The following TRPC4AP variants were observed in gnomAD, a reference collection of about 807,000 sequenced individuals.
TRPC4AP encodes the protein transient receptor potential cation channel subfamily C member 4 associated protein.
Under a neutral mutation model 99.0 loss-of-function variants are expected in TRPC4AP, and 45 were observed. The observed-to-expected ratio is 0.45, with a 90% CI of 0.36 to 0.58. TRPC4AP has a LOEUF of 0.58. TRPC4AP is among the 20% of genes least tolerant of loss of function. TRPC4AP has a pLI of 0.00. For missense variants in TRPC4AP, 879 were observed against 985.3 expected (o/e 0.89, Z 1.44); for synonymous variants, 408 against 385.8 (o/e 1.06, Z -0.67).
At chr20:35,078,292 G>A in intron 1 of TRPC4AP, 118 bp from the exon 2 acceptor site, 2 of 1,035,208 alleles carry the variant, frequency 1.9e-6, no homozygotes, top group Non-Finnish European at 2.8e-6. Flanking sequence ...TTATCTCTAA[G>A]CACTACTATA....
intron 5 of TRPC4AP, 110 bp from the exon 6 acceptor site, chr20:35,050,104 T>A: frequency 8.2e-7 from 1 of 1,216,602 alleles, no homozygotes; most frequent in South Asian, 1.5e-5. Flanking sequence ...AAAACTGGCA[T>A]GAGTCAACAA....
chr20:35,009,016 G>A (rs2082574203), intron 12 of TRPC4AP, among the ~76,000 whole-genome samples: 1 of 152,228 alleles, frequency 6.6e-6, no homozygotes, highest in African/African-American at 2.4e-5. Context: ...AACTGCCAGA[G>A]GAGAGCTGTT....
intron 8 of TRPC4AP, among the ~76,000 whole-genome samples, chr20:35,030,614 C>T (rs775624775): frequency 3.3e-5 from 5 of 152,250 alleles, no homozygotes; most frequent in Admixed American, 6.5e-5. Flanking sequence ...TATATTTACC[C>T]TCTTATTACC....
intron 8 of TRPC4AP, among the ~76,000 whole-genome samples, chr20:35,030,993 GTTCT>G (rs1035264226): frequency 1.3e-5 from 2 of 152,146 alleles, no homozygotes; most frequent in African/African-American, 2.4e-5. Context: ...TTACTAATGA[GTTCT>G]TTCAGTTTTT....
intron 7 of TRPC4AP, among the ~76,000 whole-genome samples, chr20:35,042,806 TA>T (rs2083470703): frequency 6.6e-6 from 1 of 152,226 alleles, no homozygotes; most frequent in Non-Finnish European, 1.5e-5. Flanking sequence ...ATAGGTGGGC[TA>T]GATTGGTTAG....
At chr20:35,048,370 C>G (rs1013954090) in intron 6 of TRPC4AP, among the ~76,000 whole-genome samples, 4 of 151,968 alleles carry the variant, frequency 2.6e-5, no homozygotes, top group Non-Finnish European at 5.9e-5. Context: ...CACCACCATG[C>G]CTGGCTAATT....
At chr20:35,055,129 T>C (rs767725433) in intron 4 of TRPC4AP, 98 bp from the exon 5 acceptor site, 27 of 1,025,132 alleles carry the variant, frequency 2.6e-5, no homozygotes, top group Non-Finnish European at 3.9e-5. Context: ...TATAATCCCC[T>C]CCAAGATGAT....
intron 5 of TRPC4AP, among the ~76,000 whole-genome samples, chr20:35,052,304 G>C (rs1165568242): frequency 6.6e-6 from 1 of 151,960 alleles, no homozygotes; most frequent in Non-Finnish European, 1.5e-5. Context: ...ATGTTGCCCA[G>C]GCTGGTCTTG....
At chr20:35,042,162 G>A (rs1012878470) in intron 7 of TRPC4AP, among the ~76,000 whole-genome samples, 2 of 152,142 alleles carry the variant, frequency 1.3e-5, no homozygotes, top group East Asian at 3.8e-4. Context: ...AATCATAAAG[G>A]AGTGGGAAGA....
Position 35,002,457 on chromosome 20 carries a change from G to GTTAA in TRPC4AP, c.*685_*688dup. ...TCTCCATTTAATTGGTTTATTTGCT[G>GTTAA]TTAATAAATTGGCAACACAAGGAAG... On this transcript the variant is annotated 3_prime_UTR_variant, in exon 19 of 19. Coordinates refer to ENST00000252015, the MANE Select transcript of TRPC4AP (RefSeq NM_015638.3). 2 of 372,882 alleles carry GTTAA rather than the reference G, an allele frequency of 5.4e-6. No homozygotes were observed. The highest frequency in any genetic ancestry group is 4.5e-5 in the Admixed American group (1 of 22,464). 23.1% of individuals were successfully genotyped at this position (372,882 alleles called of 1,614,324 possible). A position where few individuals can be genotyped will look rare whatever the true frequency, so the allele number is the denominator to read the frequency against.
At position 35,090,616 on chromosome 20, in the gene TRPC4AP, C is replaced by T. The variant is rs1380090870; in HGVS notation, c.168+1998G>A. ...CTCAAACTCCTGACCTCAGATGATC[C>T]ACCCGCCTCGACCTCCCAAAGCACT... On this transcript the variant is annotated intron_variant, in intron 1 of 18. Coordinates refer to ENST00000252015, the MANE Select transcript of TRPC4AP (RefSeq NM_015638.3). 2.0e-5 allele frequency among the ~76,000 whole-genome samples: 3 copies of T among 152,116 alleles called. No individual in the cohort carries two copies. In the East Asian group the frequency reaches 5.8e-4, roughly 29 times the overall value.
chr20:35,089,172 C>T (rs542080116), intron 1 of TRPC4AP, among the ~76,000 whole-genome samples: 12 of 151,742 alleles, frequency 7.9e-5, no homozygotes, highest in African/African-American at 2.9e-4. Flanking sequence ...CTGGGCCTGA[C>T]CTATACACTT....
At chr20:35,073,796 G>T (rs1600647026) in intron 2 of TRPC4AP, among the ~76,000 whole-genome samples, 2 of 152,304 alleles carry the variant, frequency 1.3e-5, no homozygotes, top group South Asian at 4.1e-4. Context: ...AATGAGTTAG[G>T]GAGGATTCCC....
At chr20:35,031,544 T>A (rs1480064547) in intron 8 of TRPC4AP, among the ~76,000 whole-genome samples, 1 of 151,900 alleles carries the variant, frequency 6.6e-6, no homozygotes, top group Non-Finnish European at 1.5e-5. Flanking sequence ...CCTCAGCGTT[T>A]TTATTACCAT....
chr20:35,078,894 C>T (rs2084553005), intron 1 of TRPC4AP, among the ~76,000 whole-genome samples: 1 of 152,086 alleles, frequency 6.6e-6, no homozygotes, highest in African/African-American at 2.4e-5. Context: ...GATAAAACCC[C>T]ATCTCTACTA....
At chr20:35,050,500 A>C (rs2083670020) in intron 5 of TRPC4AP, among the ~76,000 whole-genome samples, 1 of 152,116 alleles carries the variant, frequency 6.6e-6, no homozygotes, top group Non-Finnish European at 1.5e-5. Flanking sequence ...AGATCACTTG[A>C]GGCCAGGAGT....
At position 35,092,666 on chromosome 20, in the gene TRPC4AP, A is replaced by G. The variant is rs1218262656; in HGVS notation, c.116T>C (p.Leu39Pro). The change falls in exon 1 of 19, where the codon CTG becomes CCG. Residue 39 changes from leucine to proline, a missense_variant. Physicochemically the swap from Leu to Pro is moderately conservative, Grantham distance 98. Coordinates refer to ENST00000252015, the MANE Select transcript of TRPC4AP (RefSeq NM_015638.3). Reference protein sequence around the residue: ...GGRPRPGNILLQLRQGQLTGR... With the variant: ...GGRPRPGNILPQLRQGQLTGR... ...GGTCAGCTGGCCCTGCCGCAGCTGC[A>G]GCAGAATGTTACCAGGCCGCGGCCG... The G allele has an allele frequency of 1.3e-6, 2 of 1,521,202 alleles. No homozygotes were observed. The highest frequency in any genetic ancestry group is 2.9e-5 in the African/African-American group (2 of 69,906). 94.2% of individuals were successfully genotyped at this position (1,521,202 alleles called of 1,614,324 possible). A position where few individuals can be genotyped will look rare whatever the true frequency, so the allele number is the denominator to read the frequency against.
intron 8 of TRPC4AP, among the ~76,000 whole-genome samples, chr20:35,031,677 A>C (rs6060165): frequency 0.41 from 61,646 of 151,310 alleles, 13,406 homozygotes; most frequent in East Asian, 0.59. Context: ...TTTTTCTGTT[A>C]CTTTATCTCC....
chr20:35,055,130 C>A, intron 4 of TRPC4AP, 99 bp from the exon 5 acceptor site: 1 of 1,018,548 alleles, frequency 9.8e-7, no homozygotes, highest in East Asian at 2.6e-5. Flanking sequence ...ATAATCCCCT[C>A]CAAGATGATT....
Sources: allele counts gnomAD v4.1 joint callset (sites outside exome capture counted in the v4.1 genomes callset), GRCh38; gene constraint gnomAD v4.1.1; transcripts MANE v1.5; gene names NCBI Gene and HGNC (gene_info 2026-07-23, HGNC 2026-07-21).